The following TMEM183A variants were observed in gnomAD, a reference collection of about 807,000 sequenced individuals.
The protein encoded by TMEM183A is chromosome 1 open reading frame 37.
TMEM183A carries 21 observed loss-of-function variants against 46.7 expected under a neutral mutation model. That is an observed-to-expected ratio of 0.45 (90% CI 0.32 to 0.65). The LOEUF (loss-of-function observed/expected upper bound fraction) is 0.65, where lower values mean the gene tolerates loss of function less well. Among genes scored for constraint, TMEM183A ranks in the 30% least tolerant of loss-of-function variants. The pLI is 0.04. For synonymous variants in TMEM183A, 165 were observed against 180.2 expected (o/e 0.92, Z 0.68); for missense variants, 331 against 481.9 (o/e 0.69, Z 2.93).
rs548937979 is a variant in TMEM183A, at chr1:203,013,429, G to C, written c.368-1460G>C. Among the ~76,000 whole-genome samples the C allele has an allele frequency of 6.6e-6, 1 of 152,280 alleles. No homozygotes were observed. The highest frequency in any genetic ancestry group is 1.9e-4 in the East Asian group (1 of 5,186). ...GTATTACCTGAACCTGAGAAGTATA[G>C]TGGACATCAAGGTCAAGAGAATTAA... On this transcript the variant is annotated intron_variant, in intron 3 of 7. Coordinates refer to ENST00000367242, the MANE Select transcript of TMEM183A (RefSeq NM_138391.6). The surrounding 1 kb of genome is among the most constrained non-coding windows in gnomAD (Gnocchi z 4.0).
At chr1:203,011,239 G>A (rs988808212) in intron 3 of TMEM183A, among the ~76,000 whole-genome samples, 2 of 152,186 alleles carry the variant, frequency 1.3e-5, no homozygotes, top group Non-Finnish European at 2.9e-5. Flanking sequence ...TCCACCAGCA[G>A]TGTATAAGAG....
At chr1:203,008,948 A>C in intron 3 of TMEM183A, 138 bp downstream of exon 3, 1 of 842,348 alleles carries the variant, frequency 1.2e-6, no homozygotes, top group Admixed American at 4.0e-5. Context: ...CTCCCTAAGA[A>C]CCTTGGTAGT....
rs574828058 is a variant in TMEM183A, at chr1:203,024,396, A to G, written c.*1356A>G. The stretch of plus-strand genomic sequence containing the variant: ...TCCAAAATTAACCAGTGAGCTGGAT[A>G]TTACCTGGATATTGCCAGGAGGTGG... On this transcript the variant is annotated 3_prime_UTR_variant, in exon 8 of 8. Transcript: ENST00000367242. The G allele has an allele frequency of 6.6e-6, 1 of 152,152 alleles. No individual in the cohort carries two copies. The highest frequency in any genetic ancestry group is 1.9e-4 in the East Asian group (1 of 5,182). The allele number at this position is 152,152 out of a possible 1,614,324, so 9.4% of individuals were successfully genotyped here.
At chr1:203,015,665 C>T (rs1657098310) in intron 4 of TMEM183A, 2 of 346,546 alleles carry the variant, frequency 5.8e-6, no homozygotes, top group Non-Finnish European at 1.1e-5. Context: ...TAGGTTCCTC[C>T]AGGACAGGTT....
At chr1:203,008,870 T>C in intron 3 of TMEM183A, 60 bp downstream of exon 3, 1 of 1,454,168 alleles carries the variant, frequency 6.9e-7, no homozygotes, top group East Asian at 2.6e-5. Flanking sequence ...ATTGAAGATG[T>C]TACTTTCCCA....
chr1:203,012,101 C>T (rs955437388), intron 3 of TMEM183A, among the ~76,000 whole-genome samples: 14 of 148,934 alleles, frequency 9.4e-5, no homozygotes, highest in Non-Finnish European at 3.0e-5. Context: ...TTTTTATATG[C>T]TGTCAACTCA....
chr1:203,018,933 C>T (rs550979719), intron 6 of TMEM183A, among the ~76,000 whole-genome samples: 22 of 152,354 alleles, frequency 1.4e-4, no homozygotes, highest in Non-Finnish European at 2.5e-4. Context: ...AGTAGGTCAC[C>T]TCCTAAAAAG....
chr1:203,009,659 T>G (rs543981294), intron 3 of TMEM183A, among the ~76,000 whole-genome samples: 6 of 152,172 alleles, frequency 3.9e-5, no homozygotes, highest in Admixed American at 2.6e-4. Context: ...TTTTTTCTAT[T>G]TTTTGTAGAG....
In TMEM183A at chr1:203,023,407, T is replaced by C. The variant is rs1657903827; in HGVS notation, c.*367T>C. Reference sequence around the variant, plus strand: ...ACAAGGAAGTTTCAGCATTCCCTTATGGATCAGAGGAACCTTAGAGGCCTG... The same window carrying C: ...ACAAGGAAGTTTCAGCATTCCCTTACGGATCAGAGGAACCTTAGAGGCCTG... On this transcript the variant is annotated 3_prime_UTR_variant, in exon 8 of 8. Transcript: ENST00000367242. The C allele has an allele frequency of 6.5e-6, 1 of 154,270 alleles. No individual in the cohort carries two copies. Among genetic ancestry groups the C allele is most frequent in the Admixed American group, 6.3e-5 (1 of 15,750 alleles). The allele number at this position is 154,270 out of a possible 1,614,324, so 9.6% of individuals were successfully genotyped here. A position where few individuals can be genotyped will look rare whatever the true frequency, so the allele number is the denominator to read the frequency against.
intron 7 of TMEM183A, 77 bp downstream of exon 7, chr1:203,021,025 CT>C: frequency 1.8e-6 from 2 of 1,085,276 alleles, no homozygotes; most frequent in Non-Finnish European, 2.3e-6. Flanking sequence ...TGAACCGCAG[CT>C]CTTTTTTTTT....
intron 3 of TMEM183A, among the ~76,000 whole-genome samples, chr1:203,012,231 T>C (rs1474336007): frequency 3.6e-5 from 1 of 27,482 alleles, no homozygotes; most frequent in Non-Finnish European, 8.8e-5. Context: ...TACTCCCCAC[T>C]CCATCACACA....
Position 203,013,628 on chromosome 1 carries a change from C to T in TMEM183A, c.368-1261C>T, listed in dbSNP as rs973086345. On this transcript the variant is annotated intron_variant, in intron 3 of 7. Transcript: ENST00000367242. This position sits in a 1 kb window ranked among gnomAD's most constrained non-coding sequence, Gnocchi z 4.0. The stretch of plus-strand genomic sequence containing the variant: ...CTGGGTTCACGCCATTCTCCTGCCT[C>T]AGCCTCCCAAGTAGCTGGAACTACA... Among the ~76,000 whole-genome samples, 22 of 152,090 alleles carry T rather than the reference C, an allele frequency of 1.4e-4. 1 individual carries two copies. Among genetic ancestry groups the T allele is most frequent in the Admixed American group, 1.1e-3 (17 of 15,276 alleles).
intron 2 of TMEM183A, 92 bp downstream of exon 2, chr1:203,007,955 C>T (rs1656142080): frequency 2.0e-6 from 3 of 1,495,368 alleles, no homozygotes; most frequent in Non-Finnish European, 2.7e-6. Context: ...TAGTCGTCTT[C>T]CTGTAACCGT....
Position 203,015,808 on chromosome 1 carries a change from CG to C in TMEM183A, c.528-151del, listed in dbSNP as rs529065807. ...GATTACAAGGCAAAGACGTAAAAGT[CG>C]CCAAGAGGTCAAGTAGCACTGGGGA... is the stretch of plus-strand genomic sequence containing the variant. On this transcript the variant is annotated intron_variant, in intron 4 of 7. Transcript: ENST00000367242. The C allele has an allele frequency of 2.1e-4, 197 of 931,196 alleles. 2 individuals are homozygous for C. In the African/African-American group the frequency reaches 3.1e-3, roughly 15 times the overall value. The allele number at this position is 931,196 out of a possible 1,614,324, so 57.7% of individuals were successfully genotyped here.
At position 203,008,704 on chromosome 1, in the gene TMEM183A, T is replaced by G; in HGVS notation, c.261T>G (p.Ala87=). The G allele has an allele frequency of 6.2e-7, 1 of 1,606,950 alleles. No individual in the cohort carries two copies. The highest frequency in any genetic ancestry group is 2.3e-5 in the East Asian group (1 of 44,372). ...CTGCAGAGGAAGCTCTTTCTGGGGC[T>G]GGTGAGCCCTGTGACATCATCGACA... ...QVPAEEALSG[A]GEPCDIIDSS... is the part of the protein sequence containing the mutation. The change falls in exon 3 of 8, where the codon GCT becomes GCG. Residue 87 remains alanine (A), a synonymous_variant. Transcript: ENST00000367242.
chr1:203,015,777 C>A, intron 4 of TMEM183A, 183 bp from the exon 5 acceptor site: 1 of 678,506 alleles, frequency 1.5e-6, no homozygotes, highest in Admixed American at 3.2e-5. Context: ...GGATGGAGAA[C>A]TGCCGGATTA....
rs781664127 is a variant in TMEM183A, at chr1:203,023,022, A to G, written c.1113A>G (p.Pro371=). ...TTGACTGGTGGCATCCTCAGTACCC[A>G]TTCTCCCTGAGAGCGTAGTTACTGC... ...RLFDWWHPQY[P]FSLRA Residue 371 remains proline, a synonymous_variant, in exon 8 of 8, where the codon CCA becomes CCG. Coordinates refer to ENST00000367242, the MANE Select transcript of TMEM183A (RefSeq NM_138391.6). 6 of 1,565,910 alleles carry G rather than the reference A, an allele frequency of 3.8e-6. No individual in the cohort carries two copies. The East Asian group carries it at 1.1e-4, about 30-fold the overall frequency.
rs964989462 is a variant in TMEM183A at position 203,024,004 on chromosome 1, A to T, written c.*964A>T. 2 of 152,242 alleles carry T rather than the reference A, an allele frequency of 1.3e-5. No individual in the cohort carries two copies. The highest frequency in any genetic ancestry group is 2.4e-5 in the African/African-American group (1 of 41,464). 9.4% of individuals were successfully genotyped at this position (152,242 alleles called of 1,614,324 possible). On this transcript the variant is annotated 3_prime_UTR_variant, in exon 8 of 8. Transcript: ENST00000367242. Reference sequence around the variant, plus strand: ...TAGAAGATTGATGAAATGATCTTTTAAATATGTATTTCTGAATAAAATGTA... The same window carrying T: ...TAGAAGATTGATGAAATGATCTTTTTAATATGTATTTCTGAATAAAATGTA...
At position 203,024,460 on chromosome 1, in the gene TMEM183A, A is replaced by C. The variant is rs1657997401; in HGVS notation, c.*1420A>C. 1 of 150,298 alleles carries C rather than the reference A, an allele frequency of 6.7e-6. No individual in the cohort carries two copies. The highest frequency in any genetic ancestry group is 6.6e-5 in the Admixed American group (1 of 15,044). The allele number at this position is 150,298 out of a possible 1,614,324, so 9.3% of individuals were successfully genotyped here. A position where few individuals can be genotyped will look rare whatever the true frequency, so the allele number is the denominator to read the frequency against. On this transcript the variant is annotated 3_prime_UTR_variant, in exon 8 of 8. Coordinates refer to ENST00000367242, the MANE Select transcript of TMEM183A (RefSeq NM_138391.6). ...ATTCTTTAAAAGTGAAAATCTTGTG[A>C]GGCAAACTGCTAAATTCACATTTTT...
Sources: gnomAD v4.1 joint callset for allele counts (sites outside exome capture counted in the v4.1 genomes callset) on GRCh38, gnomAD v4.1.1 for gene constraint, Gnocchi (gnomAD v3.1) non-coding constraint, MANE v1.5 for transcripts, NCBI Gene and HGNC (gene_info 2026-07-23, HGNC 2026-07-21) for gene names.